The following METTL15 variants were observed in gnomAD, a reference collection of about 807,000 sequenced individuals.
METTL15 encodes the protein methyltransferase 15, mitochondrial 12S rRNA N4-cytidine.
In METTL15, 34 loss-of-function variants were observed where a neutral mutation model predicts 38.3. That is an observed-to-expected ratio of 0.89 (90% CI 0.68 to 1.18). METTL15 has a LOEUF of 1.18. Ranked by LOEUF, METTL15 falls within the 50% of genes most tolerant of loss-of-function variation. The pLI is 0.00. For missense variants in METTL15, 438 were observed against 498.4 expected (o/e 0.88, Z 1.15); for synonymous variants, 162 against 170.9 (o/e 0.95, Z 0.41).
chr11:28,137,619 A>C (rs1034042625), intron 3 of METTL15, among the ~76,000 whole-genome samples: 10 of 152,214 alleles, frequency 6.6e-5, no homozygotes, highest in Non-Finnish European at 1.0e-4. Context: ...TCAAAAGCCA[A>C]AGAAGCAGTT....
At chr11:28,357,241 T>C (rs182818519) in intron 4 of METTL15, among the ~76,000 whole-genome samples, 1 of 152,340 alleles carries the variant, frequency 6.6e-6, no homozygotes, top group East Asian at 1.9e-4. Flanking sequence ...GCAAAATCAC[T>C]TAACCTTGCT....
chr11:28,164,581 A>G (rs1241485548), intron 3 of METTL15, among the ~76,000 whole-genome samples: 2 of 152,054 alleles, frequency 1.3e-5, no homozygotes, highest in African/African-American at 4.8e-5. Flanking sequence ...ATATTTATGG[A>G]GTACAGTGTA....
At chr11:28,288,308 A>G (rs1204817185) in intron 4 of METTL15, among the ~76,000 whole-genome samples, 2 of 152,176 alleles carry the variant, frequency 1.3e-5, no homozygotes, top group African/African-American at 4.8e-5. Context: ...CAATGCCACC[A>G]CTGGGTATAT....
chr11:28,396,537 C>G (rs1028957679), intron 5 of METTL15, among the ~76,000 whole-genome samples: 2 of 151,928 alleles, frequency 1.3e-5, no homozygotes, highest in Admixed American at 6.6e-5. Context: ...TGACAAGGGA[C>G]GTGAAGGACC....
intron 4 of METTL15, among the ~76,000 whole-genome samples, chr11:28,248,661 G>A (rs1854612208): frequency 6.6e-6 from 1 of 151,886 alleles, no homozygotes; most frequent in African/African-American, 2.4e-5. Flanking sequence ...TTTATGGGTA[G>A]ATAACTAATA....
intron 3 of METTL15, among the ~76,000 whole-genome samples, chr11:28,164,724 C>T (rs1368074235): frequency 2.0e-5 from 3 of 151,956 alleles, no homozygotes; most frequent in African/African-American, 7.2e-5. Flanking sequence ...ACTTTAAGTT[C>T]TAGGGTACAT....
chr11:28,499,018 G>T (rs994211050), intron 6 of METTL15, among the ~76,000 whole-genome samples: 1 of 152,154 alleles, frequency 6.6e-6, no homozygotes, highest in South Asian at 2.1e-4. Flanking sequence ...TATGATCATG[G>T]ACAAGCTATT....
At chr11:28,313,946 A>T (rs1199580848) in intron 6 of METTL15, among the ~76,000 whole-genome samples, 1 of 152,202 alleles carries the variant, frequency 6.6e-6, no homozygotes, top group Non-Finnish European at 1.5e-5. Context: ...AAATGTATAC[A>T]TGTCCTTCTA....
At chr11:28,177,261 T>G (rs1851111480) in intron 3 of METTL15, among the ~76,000 whole-genome samples, 1 of 152,064 alleles carries the variant, frequency 6.6e-6, no homozygotes, top group African/African-American at 2.4e-5. Flanking sequence ...TGACATTTTA[T>G]TATGAATACA....
At chr11:28,363,951 T>G (rs1256128830) in intron 5 of METTL15, among the ~76,000 whole-genome samples, 2 of 152,190 alleles carry the variant, frequency 1.3e-5, no homozygotes, top group Non-Finnish European at 2.9e-5. Flanking sequence ...CTTTCTCTAT[T>G]GCTTGTTTTT....
chr11:28,182,730 G>A (rs1851338527), intron 3 of METTL15, among the ~76,000 whole-genome samples: 1 of 152,090 alleles, frequency 6.6e-6, no homozygotes, highest in Admixed American at 6.6e-5. Context: ...GATTGTCTTG[G>A]CTATGCGGGG....
At chr11:28,365,875 C>A (rs865894580) in intron 5 of METTL15, among the ~76,000 whole-genome samples, 5 of 152,028 alleles carry the variant, frequency 3.3e-5, no homozygotes, top group East Asian at 1.9e-4. Flanking sequence ...CATGGTGAAA[C>A]CCCTTCTCTA....
chr11:28,421,882 A>C (rs1377907761), intron 5 of METTL15, among the ~76,000 whole-genome samples: 1 of 152,070 alleles, frequency 6.6e-6, no homozygotes, highest in African/African-American at 2.4e-5. Flanking sequence ...CCAAATTGGA[A>C]AGGAATAAGT....
intron 5 of METTL15, among the ~76,000 whole-genome samples, chr11:28,367,824 T>G (rs1171557582): frequency 6.6e-6 from 1 of 152,064 alleles, no homozygotes; most frequent in Non-Finnish European, 1.5e-5. Context: ...TTGAAAAACC[T>G]GACACAAACA....
intron 4 of METTL15, among the ~76,000 whole-genome samples, chr11:28,271,545 A>G (rs565955045): frequency 2.2e-4 from 34 of 152,270 alleles, no homozygotes; most frequent in African/African-American, 8.2e-4. Flanking sequence ...AAAATGCAAG[A>G]TCTCTATAAT....
At chr11:28,317,877 A>G (rs968302209) in intron 6 of METTL15, among the ~76,000 whole-genome samples, 1 of 152,240 alleles carries the variant, frequency 6.6e-6, no homozygotes, top group Non-Finnish European at 1.5e-5. Context: ...AGGGTTCTCA[A>G]TCAATGCTTC....
At chr11:28,192,059 C>G (rs749844396) in intron 3 of METTL15, among the ~76,000 whole-genome samples, 12 of 151,732 alleles carry the variant, frequency 7.9e-5, no homozygotes, top group Non-Finnish European at 1.8e-4. Flanking sequence ...CAAACATAGG[C>G]AACTAAAGTT....
chr11:28,522,375 C>T (rs184253927), intron 6 of METTL15, among the ~76,000 whole-genome samples: 4 of 152,270 alleles, frequency 2.6e-5, no homozygotes, highest in South Asian at 2.1e-4. Flanking sequence ...GCTGGAGACC[C>T]GAAGAAGAGC....
chr11:28,408,398 A>C (rs185701456), intron 5 of METTL15, among the ~76,000 whole-genome samples: 1 of 152,296 alleles, frequency 6.6e-6, no homozygotes, highest in Admixed American at 6.5e-5. Flanking sequence ...TTCTATTTCA[A>C]GCTTTTCTCT....
Sources: gnomAD v4.1 joint callset for allele counts (sites outside exome capture counted in the v4.1 genomes callset) on GRCh38, gnomAD v4.1.1 for gene constraint, MANE v1.5 for transcripts, NCBI Gene and HGNC (gene_info 2026-07-23, HGNC 2026-07-21) for gene names.